The following NPHP1 variants were observed in gnomAD, a reference collection of about 807,000 sequenced individuals.
The protein encoded by NPHP1 is nephrocystin 1.
A neutral mutation model predicts 90.4 loss-of-function variants in NPHP1; 70 were observed. The ratio of observed to expected loss-of-function variants is 0.77; its 90% CI spans 0.64 to 0.95. The LOEUF (loss-of-function observed/expected upper bound fraction) is 0.95, where lower values mean the gene tolerates loss of function less well. Ranked by LOEUF, NPHP1 falls within the 40% of genes least tolerant of loss-of-function variation. The pLI is 0.00. For missense variants in NPHP1, 764 were observed against 795.9 expected (o/e 0.96, Z 0.48); for synonymous variants, 256 against 271.7 (o/e 0.94, Z 0.57).
intron 4 of NPHP1, among the ~76,000 whole-genome samples, chr2:110,172,364 T>C (rs960438726): frequency 4.6e-5 from 7 of 152,182 alleles, no homozygotes; most frequent in Non-Finnish European, 1.0e-4. Flanking sequence ...TTCACTGTTT[T>C]CTGCTTTTAT....
chr2:110,138,958 C>T (rs1680425651), intron 16 of NPHP1, among the ~76,000 whole-genome samples: 1 of 151,966 alleles, frequency 6.6e-6, no homozygotes, highest in African/African-American at 2.4e-5. Context: ...CTGATTTTCC[C>T]AAACTTAAGA....
intron 18 of NPHP1, chr2:110,127,526 T>C (rs1679454391): frequency 6.6e-6 from 1 of 152,148 alleles, no homozygotes; most frequent in African/African-American, 2.4e-5. Context: ...TGGAATATAT[T>C]CTTCCAGATC....
intron 16 of NPHP1, among the ~76,000 whole-genome samples, chr2:110,140,828 A>G (rs1296149078): frequency 6.6e-6 from 1 of 152,222 alleles, no homozygotes; most frequent in Non-Finnish European, 1.5e-5. Flanking sequence ...AGTAAATAAT[A>G]CCCATGAACA....
At chr2:110,166,209 A>C (rs1279098482) in intron 6 of NPHP1, among the ~76,000 whole-genome samples, 1 of 152,216 alleles carries the variant, frequency 6.6e-6, no homozygotes, top group Admixed American at 6.5e-5. Context: ...TCAAAATATA[A>C]AGCTATAAAC....
intron 2 of NPHP1, among the ~76,000 whole-genome samples, chr2:110,196,858 C>G (rs985048858): frequency 2.6e-5 from 4 of 152,080 alleles, no homozygotes; most frequent in African/African-American, 7.2e-5. Context: ...TTTGAAGGGA[C>G]ATGGATGAAG....
intron 11 of NPHP1, among the ~76,000 whole-genome samples, chr2:110,155,058 C>T (rs1182353387): frequency 1.3e-5 from 2 of 152,064 alleles, no homozygotes; most frequent in Admixed American, 6.5e-5. Context: ...GCCGAGGGTC[C>T]CCATGCTGTG....
chr2:110,198,837 T>G (rs1685359880), intron 2 of NPHP1, among the ~76,000 whole-genome samples: 1 of 152,038 alleles, frequency 6.6e-6, no homozygotes, highest in Non-Finnish European at 1.5e-5. Flanking sequence ...GAGAGCTCTC[T>G]GGAATAATCA....
At chr2:110,137,394 A>G (rs1680278192) in intron 16 of NPHP1, among the ~76,000 whole-genome samples, 1 of 152,262 alleles carries the variant, frequency 6.6e-6, no homozygotes, top group Non-Finnish European at 1.5e-5. Context: ...GGCAACCTAC[A>G]GAATGGGAGA....
intron 1 of NPHP1, among the ~76,000 whole-genome samples, chr2:110,204,378 ACCT>A (rs1291852788): frequency 6.6e-6 from 1 of 151,792 alleles, no homozygotes; most frequent in African/African-American, 2.4e-5. Flanking sequence ...TCTCTCGTTC[ACCT>A]CCTTTGCTCA....
intron 5 of NPHP1, among the ~76,000 whole-genome samples, chr2:110,169,157 G>T (rs1191623443): frequency 1.3e-5 from 2 of 151,304 alleles, no homozygotes; most frequent in African/African-American, 4.9e-5. Context: ...GTCTAATATT[G>T]ATACCATTTT....
chr2:110,159,566 A>G (rs1682154048), intron 11 of NPHP1, among the ~76,000 whole-genome samples: 1 of 152,000 alleles, frequency 6.6e-6, no homozygotes, highest in Non-Finnish European at 1.5e-5. Flanking sequence ...TACTGGTATA[A>G]AGCTGTTTAT....
In NPHP1 at chr2:110,123,894, C is replaced by T; in HGVS notation, c.1931G>A (p.Gly644Asp). 1 of 1,614,096 alleles carries T rather than the reference C, an allele frequency of 6.2e-7. No homozygotes were observed. Among genetic ancestry groups the T allele is most frequent in the Non-Finnish European group, 8.5e-7 (1 of 1,180,008 alleles). The change falls in exon 20 of 20, where the codon GGC (glycine) becomes GAC (aspartate). Residue 644 changes from glycine (G) to aspartate (D), a missense_variant. Gly to Asp is a moderately conservative substitution (Grantham distance 94). Transcript: ENST00000445609. Reference sequence around the variant, plus strand: ...TGGTGACAGCAGAGCTTGGAGGGCGCCCTGGTTTTCTTGGTTTTGCTTAAG... The same window carrying T: ...TGGTGACAGCAGAGCTTGGAGGGCGTCCTGGTTTTCTTGGTTTTGCTTAAG... ...DFLKQNQENQ[G>D]ALQALLSPDG... is the part of the protein sequence containing the mutation.
intron 19 of NPHP1, 153 bp downstream of exon 19, chr2:110,125,484 G>C: frequency 8.9e-7 from 1 of 1,123,790 alleles, no homozygotes; most frequent in Non-Finnish European, 1.3e-6. Context: ...AACCCTCTTG[G>C]AATGTGTTTT....
chr2:110,183,902 G>T (rs149177270), intron 2 of NPHP1, among the ~76,000 whole-genome samples: 25 of 152,160 alleles, frequency 1.6e-4, no homozygotes, highest in Middle Eastern at 3.4e-3. Context: ...CAAGTAATCG[G>T]AAATAAAATA....
chr2:110,199,692 G>C (rs1173685231), intron 2 of NPHP1, among the ~76,000 whole-genome samples: 1 of 151,998 alleles, frequency 6.6e-6, no homozygotes, highest in Non-Finnish European at 1.5e-5. Context: ...ATGGGATATA[G>C]AGGATCAGTC....
intron 16 of NPHP1, among the ~76,000 whole-genome samples, chr2:110,135,203 G>T (rs1680079793): frequency 6.6e-6 from 1 of 151,826 alleles, no homozygotes. Flanking sequence ...AAAATAGTCA[G>T]AAATTTAAAA....
At chr2:110,150,868 A>C (rs1304531117) in intron 11 of NPHP1, among the ~76,000 whole-genome samples, 1 of 151,642 alleles carries the variant, frequency 6.6e-6, no homozygotes, top group African/African-American at 2.4e-5. Flanking sequence ...GTCTTTTAAA[A>C]GAAAAGATGT....
At chr2:110,184,082 C>T (rs2104635479) in intron 2 of NPHP1, 2 of 530,010 alleles carry the variant, frequency 3.8e-6, no homozygotes, top group South Asian at 2.9e-5. Context: ...CAATCACCAA[C>T]CAGCCTGTCA....
At chr2:110,201,220 T>C (rs1685556808) in intron 2 of NPHP1, among the ~76,000 whole-genome samples, 1 of 152,168 alleles carries the variant, frequency 6.6e-6, no homozygotes, top group Admixed American at 6.5e-5. Flanking sequence ...CACCTATGTT[T>C]ACATTAAGCA....
Sources: allele counts gnomAD v4.1 joint callset (sites outside exome capture counted in the v4.1 genomes callset), GRCh38; gene constraint gnomAD v4.1.1; transcripts MANE v1.5; gene names NCBI Gene and HGNC (gene_info 2026-07-23, HGNC 2026-07-21).